The following GOLGA7 variants were observed in gnomAD, a reference collection of about 807,000 sequenced individuals.
GOLGA7 encodes golgin A7.
GOLGA7 carries 10 observed loss-of-function variants against 21.1 expected under a neutral mutation model. The observed-to-expected ratio is 0.47, with a 90% CI of 0.29 to 0.80. The LOEUF (loss-of-function observed/expected upper bound fraction) is 0.80, where lower values mean the gene tolerates loss of function less well. GOLGA7 is among the 30% of genes least tolerant of loss of function. The probability of loss-of-function intolerance (pLI) is 0.08; values close to 1 mark genes in which losing one functional copy is unlikely to be tolerated. For missense variants in GOLGA7, 114 were observed against 166.8 expected (o/e 0.68, Z 1.74); for synonymous variants, 64 against 62.6 (o/e 1.02, Z -0.10).
rs1416867124 is a variant in GOLGA7 at position 41,510,930 on chromosome 8, G to A, written c.*1362G>A. On this transcript the variant is annotated 3_prime_UTR_variant, in exon 5 of 5. Transcript: ENST00000357743. ...AGTGTGTCTGCATTTTCAACCTGTT[G>A]CAATAACTTTGCTGAAATATTAACA... The A allele has an allele frequency of 6.1e-6, 1 of 163,722 alleles. No individual in the cohort carries two copies. Among genetic ancestry groups the A allele is most frequent in the Admixed American group, 6.3e-5 (1 of 15,842 alleles). The allele number at this position is 163,722 out of a possible 1,614,324, so 10.1% of individuals were successfully genotyped here. A position where few individuals can be genotyped will look rare whatever the true frequency, so the allele number is the denominator to read the frequency against.
At chr8:41,501,004 T>G (rs1405172747) in intron 2 of GOLGA7, among the ~76,000 whole-genome samples, 2 of 152,238 alleles carry the variant, frequency 1.3e-5, no homozygotes, top group East Asian at 3.8e-4. Context: ...ATTGCTAATT[T>G]AAGGTAGAAG....
chr8:41,508,536 C>T (rs941477682), intron 4 of GOLGA7, among the ~76,000 whole-genome samples: 5 of 152,206 alleles, frequency 3.3e-5, no homozygotes, highest in Admixed American at 1.3e-4. Context: ...TTCTGTGTGG[C>T]TTTTGTTCCA....
intron 1 of GOLGA7, among the ~76,000 whole-genome samples, chr8:41,494,905 A>G (rs1006471816): frequency 6.6e-6 from 1 of 152,176 alleles, no homozygotes; most frequent in Non-Finnish European, 1.5e-5. Flanking sequence ...AAGGATGGTC[A>G]TGAATTGTTT....
At position 41,490,826 on chromosome 8, in the gene GOLGA7, C is replaced by T; in HGVS notation, c.-29C>T. ...GACTCGCGGTTGGTGTTCCCCCGAC[C>T]CCGCAGCGCGGGGTGTCCTGTCCTC... is the stretch of plus-strand genomic sequence containing the variant. On this transcript the variant is annotated 5_prime_UTR_variant, in exon 1 of 5. Coordinates refer to ENST00000357743, the MANE Select transcript of GOLGA7 (RefSeq NM_001002296.2). 1 of 1,370,810 alleles carries T rather than the reference C, an allele frequency of 7.3e-7. No individual in the cohort carries two copies. The highest frequency in any genetic ancestry group is 1.0e-6 in the Non-Finnish European group (1 of 981,306). 84.9% of individuals were successfully genotyped at this position (1,370,810 alleles called of 1,614,324 possible).
chr8:41,503,292 A>T (rs1285927813), intron 2 of GOLGA7, among the ~76,000 whole-genome samples: 1 of 144,816 alleles, frequency 6.9e-6, no homozygotes, highest in Non-Finnish European at 1.5e-5. Context: ...GTTTGAGTTC[A>T]TTGTAGATTC....
chr8:41,505,888 G>A, intron 2 of GOLGA7, 23 bp from the exon 3 acceptor site: 1 of 1,184,956 alleles, frequency 8.4e-7, no homozygotes, highest in Non-Finnish European at 1.2e-6. Context: ...TTTGTAAGAA[G>A]CTGTGGTGTT....
Position 41,490,947 on chromosome 8 carries a change from T to C in GOLGA7, c.93T>C (p.Pro31=), listed in dbSNP as rs144266293. Residue 31 remains proline, a synonymous_variant, in exon 1 of 5, where the codon CCT becomes CCC. Coordinates refer to ENST00000357743, the MANE Select transcript of GOLGA7 (RefSeq NM_001002296.2). ...GTRCQFQTKF[P]AELENRIDRQ... is the part of the protein sequence containing the mutation. ...GCTGCCAGTTCCAGACCAAGTTCCCTGCGGAGCTGGAGAACCGGGTACGCA... is the reference window on the plus strand; with the variant it reads ...GCTGCCAGTTCCAGACCAAGTTCCCCGCGGAGCTGGAGAACCGGGTACGCA... 1,496 of 1,578,558 alleles carry C rather than the reference T, an allele frequency of 9.5e-4. 3 individuals are homozygous for C. The highest frequency in any genetic ancestry group is 1.1e-3 in the Non-Finnish European group (1,287 of 1,157,452).
intron 4 of GOLGA7, among the ~76,000 whole-genome samples, chr8:41,508,928 T>C (rs929672162): frequency 6.6e-6 from 1 of 152,266 alleles, no homozygotes; most frequent in African/African-American, 2.4e-5. Flanking sequence ...TGAAGCAATA[T>C]GTGGGAATTA....
At chr8:41,500,350 G>A (rs925637793) in intron 2 of GOLGA7, among the ~76,000 whole-genome samples, 1 of 152,162 alleles carries the variant, frequency 6.6e-6, no homozygotes, top group East Asian at 1.9e-4. Flanking sequence ...AAAAGCCTGG[G>A]GCATTAAGGC....
chr8:41,497,223 C>G (rs1009632327), intron 1 of GOLGA7, among the ~76,000 whole-genome samples: 3 of 151,636 alleles, frequency 2.0e-5, no homozygotes, highest in Non-Finnish European at 4.4e-5. Context: ...AGTAGGCGCT[C>G]AGTAAGTGTG....
intron 1 of GOLGA7, 49 bp downstream of exon 1, chr8:41,491,014 A>G (rs1805869686): frequency 2.8e-6 from 3 of 1,090,800 alleles, no homozygotes; most frequent in Non-Finnish European, 4.1e-6. Flanking sequence ...AGAGAGACTC[A>G]CCGGGGACGG....
intron 2 of GOLGA7, among the ~76,000 whole-genome samples, chr8:41,502,183 T>C (rs538740367): frequency 6.6e-6 from 1 of 152,266 alleles, no homozygotes; most frequent in East Asian, 1.9e-4. Flanking sequence ...AATAGAAGTG[T>C]GCATTTGTGT....
At chr8:41,493,933 C>T (rs1288055661) in intron 1 of GOLGA7, among the ~76,000 whole-genome samples, 2 of 152,210 alleles carry the variant, frequency 1.3e-5, no homozygotes, top group Non-Finnish European at 2.9e-5. Context: ...CAAATGCCAA[C>T]ATTTGTTCTC....
chr8:41,506,246 A>G (rs979552232), intron 3 of GOLGA7, among the ~76,000 whole-genome samples: 1 of 151,826 alleles, frequency 6.6e-6, no homozygotes, highest in African/African-American at 2.4e-5. Flanking sequence ...TCTTGTCACC[A>G]TCTTTCCTGG....
chr8:41,499,912 TC>T lies in GOLGA7; in HGVS notation c.264+2254del, dbSNP rs548211198. 3.9e-5 allele frequency among the ~76,000 whole-genome samples: 6 copies of T among 152,324 alleles called. No homozygotes were observed. The South Asian group carries it at 1.0e-3, about 26-fold the overall frequency. ...GTATGATTTAAAGGGACCGTGCTCT[TC>T]CCTTCCATATCAATACACAGAGAAG... On this transcript the variant is annotated intron_variant, in intron 2 of 4. Transcript: ENST00000357743.
At chr8:41,495,309 G>A (rs1805983619) in intron 1 of GOLGA7, among the ~76,000 whole-genome samples, 2 of 150,876 alleles carry the variant, frequency 1.3e-5, no homozygotes, top group Admixed American at 1.3e-4. Context: ...TTTTGAGACA[G>A]GGTCTCACTC....
At chr8:41,495,037 C>T (rs923356555) in intron 1 of GOLGA7, among the ~76,000 whole-genome samples, 8 of 151,540 alleles carry the variant, frequency 5.3e-5, no homozygotes, top group Non-Finnish European at 2.9e-5. Flanking sequence ...AACCTCGTCT[C>T]TACTAAAAAT....
intron 2 of GOLGA7, among the ~76,000 whole-genome samples, chr8:41,504,273 T>C (rs1028523024): frequency 6.6e-6 from 1 of 152,202 alleles, no homozygotes; most frequent in Non-Finnish European, 1.5e-5. Context: ...ATCCTTTCTT[T>C]GAAACCAGCC....
chr8:41,493,324 G>A (rs965602659), intron 1 of GOLGA7, among the ~76,000 whole-genome samples: 1 of 152,144 alleles, frequency 6.6e-6, no homozygotes. Flanking sequence ...TTCCTTTTGT[G>A]AGAACATCAC....
Sources: allele counts gnomAD v4.1 joint callset (sites outside exome capture counted in the v4.1 genomes callset), GRCh38; gene constraint gnomAD v4.1.1; transcripts MANE v1.5; gene names NCBI Gene and HGNC (gene_info 2026-07-23, HGNC 2026-07-21).